Variants in TMEM117 observed in about 807,000 individuals in gnomAD.
TMEM117 encodes the protein transmembrane protein 117.
In TMEM117, 27 loss-of-function variants were observed where a neutral mutation model predicts 52.4. The observed-to-expected ratio is 0.51, with a 90% confidence interval of 0.38 to 0.71. TMEM117 has a LOEUF of 0.71. TMEM117 is among the 30% of genes least tolerant of loss of function. The probability of loss-of-function intolerance (pLI) is 0.00; values close to 1 mark genes in which losing one functional copy is unlikely to be tolerated. For synonymous variants in TMEM117, 215 were observed against 206.3 expected (o/e 1.04, Z -0.36); for missense variants, 556 against 630.5 (o/e 0.88, Z 1.26).
At chr12:44,149,226 G>A (rs117572591) in intron 4 of TMEM117, among the ~76,000 whole-genome samples, 172 of 152,292 alleles carry the variant, frequency 1.1e-3, no homozygotes, top group Non-Finnish European at 2.1e-3. Context: ...CCCAGCTCTG[G>A]GGCAGAAGGA....
At position 44,143,075 on chromosome 12, in the gene TMEM117, T is replaced by A. The variant is rs1810615164; in HGVS notation, c.411-450T>A. On this transcript the variant is annotated intron_variant, in intron 3 of 7. Coordinates refer to ENST00000266534, the MANE Select transcript of TMEM117 (RefSeq NM_032256.3). ...GATATTATTCTGAACGTTATTCAGG[T>A]ATGATGTTATATCTAAAGCCTAATC... Among the ~76,000 whole-genome samples, 3 of 152,228 alleles carry A rather than the reference T, an allele frequency of 2.0e-5. No individual in the cohort carries two copies. The South Asian group carries it at 6.2e-4, about 32-fold the overall frequency.
intron 4 of TMEM117, among the ~76,000 whole-genome samples, chr12:44,198,005 C>G (rs1328265727): frequency 6.6e-6 from 1 of 152,198 alleles, no homozygotes; most frequent in Admixed American, 6.6e-5. Context: ...TAAGATACTT[C>G]TTGTGGCAAT....
chr12:44,090,940 G>T (rs1240343272), intron 3 of TMEM117, among the ~76,000 whole-genome samples: 1 of 147,754 alleles, frequency 6.8e-6, no homozygotes, highest in African/African-American at 2.6e-5. Context: ...CTATGTTAAG[G>T]TATACAAAGA....
At chr12:44,215,559 A>G (rs1949704507) in intron 5 of TMEM117, among the ~76,000 whole-genome samples, 1 of 152,150 alleles carries the variant, frequency 6.6e-6, no homozygotes. Flanking sequence ...ACCAACAACC[A>G]TTTTCACTGA....
chr12:44,303,476 T>G (rs531789164), intron 6 of TMEM117, among the ~76,000 whole-genome samples: 6 of 152,196 alleles, frequency 3.9e-5, no homozygotes, highest in Non-Finnish European at 8.8e-5. Context: ...AATCATTAAT[T>G]TTTATAGATA....
chr12:43,900,036 A>G lies in TMEM117; in HGVS notation c.278-44174A>G, dbSNP rs115744210. On this transcript the variant is annotated intron_variant, in intron 2 of 7. Coordinates refer to ENST00000266534, the MANE Select transcript of TMEM117 (RefSeq NM_032256.3). ...AATGGTTTATAATTGAAGGTGGTTT[A>G]TAATCGAAGGTAAGTTTTAAAGTTT... is the stretch of plus-strand genomic sequence containing the variant. 8.0e-3 allele frequency among the ~76,000 whole-genome samples: 1,226 copies of G among 152,316 alleles called. 25 individuals carry two copies. The highest frequency in any genetic ancestry group is 0.028 in the African/African-American group (1,143 of 41,558).
At chr12:44,284,188 T>A (rs1950610913) in intron 5 of TMEM117, among the ~76,000 whole-genome samples, 1 of 152,160 alleles carries the variant, frequency 6.6e-6, no homozygotes, top group Non-Finnish European at 1.5e-5. Flanking sequence ...TGGCGCAGCC[T>A]GTAGTCCCAG....
At chr12:44,034,112 A>G (rs537399799) in intron 3 of TMEM117, among the ~76,000 whole-genome samples, 1 of 152,330 alleles carries the variant, frequency 6.6e-6, no homozygotes, top group Non-Finnish European at 1.5e-5. Context: ...AGGATGAGAA[A>G]AACATGGAGA....
At chr12:44,270,228 A>G (rs1386859737) in intron 5 of TMEM117, among the ~76,000 whole-genome samples, 1 of 152,104 alleles carries the variant, frequency 6.6e-6, no homozygotes. Flanking sequence ...AGGCTACTTA[A>G]TCTCTCAAAG....
chr12:44,236,734 G>T (rs1950001669), intron 5 of TMEM117, among the ~76,000 whole-genome samples: 1 of 152,048 alleles, frequency 6.6e-6, no homozygotes, highest in African/African-American at 2.4e-5. Flanking sequence ...TAAGAGGATA[G>T]CTTCTTTTTC....
At chr12:44,392,990 T>G (rs552114637), downstream of TMEM117, among the ~76,000 whole-genome samples, 2 of 152,276 alleles carry the variant, frequency 1.3e-5, no homozygotes, top group African/African-American at 4.8e-5. Context: ...ATATAAAAGC[T>G]GATATCCTGT....
intron 3 of TMEM117, among the ~76,000 whole-genome samples, chr12:43,958,260 G>A (rs921816619): frequency 2.0e-5 from 3 of 152,144 alleles, no homozygotes; most frequent in African/African-American, 4.8e-5. Flanking sequence ...AGCACTGAGG[G>A]AATTAGACAT....
At chr12:43,941,716 G>A (rs148564575) in intron 2 of TMEM117, among the ~76,000 whole-genome samples, 10 of 152,270 alleles carry the variant, frequency 6.6e-5, no homozygotes, top group Non-Finnish European at 1.2e-4. Flanking sequence ...ATATTTTGCA[G>A]CACTTTTATT....
At position 44,311,598 on chromosome 12, in the gene TMEM117, T is replaced by G. The variant is rs1049314366; in HGVS notation, c.768+11859T>G. Among the ~76,000 whole-genome samples the G allele has an allele frequency of 2.0e-5, 3 of 151,782 alleles. No homozygotes were observed. The East Asian group carries it at 5.8e-4, about 29-fold the overall frequency. ...AGAGGGAGGACGTAGAGATGACAGCTGCCACAGCCAACAGAAATTGTAACA... is the reference window on the plus strand; with the variant it reads ...AGAGGGAGGACGTAGAGATGACAGCGGCCACAGCCAACAGAAATTGTAACA... On this transcript the variant is annotated intron_variant, in intron 6 of 7. Coordinates refer to ENST00000266534, the MANE Select transcript of TMEM117 (RefSeq NM_032256.3).
chr12:44,341,993 C>A (rs535639595), intron 6 of TMEM117, among the ~76,000 whole-genome samples: 1 of 152,196 alleles, frequency 6.6e-6, no homozygotes, highest in Admixed American at 6.5e-5. Context: ...AGATCAAACC[C>A]TGGAATTCTT....
intron 7 of TMEM117, among the ~76,000 whole-genome samples, chr12:44,381,990 A>G (rs915673603): frequency 6.6e-6 from 1 of 152,176 alleles, no homozygotes; most frequent in South Asian, 2.1e-4. Context: ...AATTTATCCA[A>G]AGTACACAAA....
At chr12:44,197,427 G>A (rs2138358937) in intron 4 of TMEM117, among the ~76,000 whole-genome samples, 1 of 152,184 alleles carries the variant, frequency 6.6e-6, no homozygotes, top group Non-Finnish European at 1.5e-5. Context: ...CATTCTTTCA[G>A]GCAAAAATAA....
chr12:44,106,008 C>T (rs1400014496), intron 3 of TMEM117, among the ~76,000 whole-genome samples: 1 of 152,006 alleles, frequency 6.6e-6, no homozygotes, highest in African/African-American at 2.4e-5. Flanking sequence ...TGTGTCCATA[C>T]CGAGCCTCTA....
Position 44,388,340 on chromosome 12 carries a change from G to A in TMEM117, c.1213G>A (p.Val405Met). 6.2e-7 allele frequency: 1 copy of A among 1,613,572 alleles called. No homozygotes were observed. The highest frequency in any genetic ancestry group is 8.5e-7 in the Non-Finnish European group (1 of 1,179,668). ...LAFVPSLIAFVWFGFFIWFFG... is the reference protein window; with the variant it reads ...LAFVPSLIAFMWFGFFIWFFG... ...CTTTGTTCCAAGCCTGATAGCCTTT[G>A]TGTGGTTTGGATTCTTTATTTGGTT... is the stretch of plus-strand genomic sequence containing the variant. The change falls in exon 8 of 8, where the codon GTG (valine) becomes ATG (methionine). Residue 405 changes from valine to methionine, a missense_variant. Around this residue, in one of 3 missense-constraint regions of TMEM117, gnomAD observed 206 missense variants for 211.1 expected, o/e 0.98. Coordinates refer to ENST00000266534, the MANE Select transcript of TMEM117 (RefSeq NM_032256.3).
Sources: gnomAD v4.1 joint callset for allele counts (sites outside exome capture counted in the v4.1 genomes callset) on GRCh38, gnomAD v4.1.1 for gene constraint, gnomAD v4.1.1 regional missense constraint, MANE v1.5 for transcripts, NCBI Gene and HGNC (gene_info 2026-07-23, HGNC 2026-07-21) for gene names.